FER: variants seen among roughly 807,000 people sequenced by gnomAD.
FER encodes tyrosine-protein kinase Fer.
A neutral mutation model predicts 111.0 loss-of-function variants in FER; 63 were observed. The ratio of observed to expected loss-of-function variants is 0.57; its 90% CI spans 0.46 to 0.70. The LOEUF (loss-of-function observed/expected upper bound fraction) is 0.70, where lower values mean the gene tolerates loss of function less well. Among genes scored for constraint, FER ranks in the 30% least tolerant of loss-of-function variants. The pLI, the probability that FER is intolerant of heterozygous loss-of-function variation, is 0.00. For missense variants in FER, 914 were observed against 954.0 expected (o/e 0.96, Z 0.55); for synonymous variants, 327 against 313.9 (o/e 1.04, Z -0.44).
intron 13 of FER, among the ~76,000 whole-genome samples, chr5:108,993,018 G>A (rs1198008932): frequency 6.6e-6 from 1 of 150,752 alleles, no homozygotes; most frequent in African/African-American, 2.4e-5. Context: ...TCCTAGATGG[G>A]ATGGCGGCCG....
rs1755351326 is a variant in FER at position 108,935,579 on chromosome 5, C to A, written c.1237-10551C>A. 3.3e-5 allele frequency among the ~76,000 whole-genome samples: 5 copies of A among 152,064 alleles called. No homozygotes were observed. The South Asian group carries it at 1.0e-3, about 31-fold the overall frequency. ...TGGTAGTCACCATCCAACCCACCTA[C>A]AGTTTGTGTCTATCTTCTGTTTAAT... On this transcript the variant is annotated intron_variant, in intron 10 of 19. Coordinates refer to ENST00000281092, the MANE Select transcript of FER (RefSeq NM_005246.4).
At chr5:109,016,397 T>C (rs569117197) in intron 13 of FER, among the ~76,000 whole-genome samples, 1 of 152,052 alleles carries the variant, frequency 6.6e-6, no homozygotes, top group Non-Finnish European at 1.5e-5. Context: ...CCACTCTGAT[T>C]TGGACTTTTG....
At chr5:108,990,942 A>G (rs1763087769) in intron 13 of FER, among the ~76,000 whole-genome samples, 1 of 151,816 alleles carries the variant, frequency 6.6e-6, no homozygotes, top group Non-Finnish European at 1.5e-5. Flanking sequence ...TACATAACTT[A>G]TGAAGCAAGA....
At chr5:109,067,284 G>A (rs1775221700) in intron 16 of FER, among the ~76,000 whole-genome samples, 1 of 151,660 alleles carries the variant, frequency 6.6e-6, no homozygotes, top group Admixed American at 6.6e-5. Context: ...TGCTGCTGCT[G>A]TTTTTAATTT....
chr5:109,180,998 A>G (rs1035846156), intron 18 of FER, 97 bp downstream of exon 18: 1 of 980,942 alleles, frequency 1.0e-6, no homozygotes, highest in African/African-American at 1.7e-5. Context: ...ACAGAATGCA[A>G]GTTAGAATGA....
intron 5 of FER, among the ~76,000 whole-genome samples, chr5:108,843,358 C>G (rs1461427476): frequency 6.6e-6 from 1 of 152,070 alleles, no homozygotes; most frequent in African/African-American, 2.4e-5. Flanking sequence ...ATTTCAATAT[C>G]AAATTATTCT....
chr5:108,865,678 T>C (rs1439766021), intron 5 of FER, among the ~76,000 whole-genome samples: 1 of 152,078 alleles, frequency 6.6e-6, no homozygotes, highest in South Asian at 2.1e-4. Context: ...ATTTTTGCAA[T>C]CTACTCATCT....
chr5:108,820,499 G>A (rs932171253), intron 3 of FER: 3 of 985,288 alleles, frequency 3.0e-6, no homozygotes, highest in Non-Finnish European at 3.6e-6. Context: ...GCACCAAGAA[G>A]CTGGAAAAGT....
At chr5:109,099,014 A>T (rs1747878431) in intron 16 of FER, among the ~76,000 whole-genome samples, 1 of 151,688 alleles carries the variant, frequency 6.6e-6, no homozygotes, top group Non-Finnish European at 1.5e-5. Context: ...TTAAGAAAGC[A>T]TAGATCCCTG....
chr5:109,100,407 C>T lies in FER; in HGVS notation c.1936C>T (p.Leu646Phe). ...ATCAATTCCTCTAGGAGGTGATTTC[C>T]TCACCTTTCTGAGAAGGAAGAAGGA... Reference protein sequence around the residue: ...IMELVSGGDFLTFLRRKKDEL... With the variant: ...IMELVSGGDFFTFLRRKKDEL... The change falls in exon 17 of 20, where the codon CTC becomes TTC. Residue 646 changes from leucine (L) to phenylalanine (F), a missense_variant. Coordinates refer to ENST00000281092, the MANE Select transcript of FER (RefSeq NM_005246.4). 1.2e-6 allele frequency: 2 copies of T among 1,610,334 alleles called. No individual in the cohort carries two copies. Among genetic ancestry groups the T allele is most frequent in the Non-Finnish European group, 1.7e-6 (2 of 1,177,520 alleles).
chr5:109,169,446 G>A (rs539624208), intron 17 of FER, among the ~76,000 whole-genome samples: 1 of 152,080 alleles, frequency 6.6e-6, no homozygotes, highest in East Asian at 1.9e-4. Context: ...TCATAGGACT[G>A]AAGGGAAATT....
At chr5:109,088,900 AAGAT>A (rs1429035608) in intron 16 of FER, among the ~76,000 whole-genome samples, 2 of 152,198 alleles carry the variant, frequency 1.3e-5, no homozygotes, top group Non-Finnish European at 2.9e-5. Flanking sequence ...CTATTAAATG[AAGAT>A]ACCTGCACTG....
intron 5 of FER, among the ~76,000 whole-genome samples, chr5:108,855,247 A>C (rs1762883896): frequency 6.6e-6 from 1 of 152,192 alleles, no homozygotes; most frequent in African/African-American, 2.4e-5. Context: ...TTATGACATT[A>C]CCAGTAATAT....
chr5:108,865,188 T>A (rs1443796313), intron 5 of FER, among the ~76,000 whole-genome samples: 2 of 152,296 alleles, frequency 1.3e-5, no homozygotes, highest in African/African-American at 4.8e-5. Flanking sequence ...TGCTTGTGAT[T>A]TTTGCACATT....
intron 17 of FER, among the ~76,000 whole-genome samples, chr5:109,132,097 C>G (rs1484983799): frequency 6.6e-6 from 1 of 151,972 alleles, no homozygotes; most frequent in Non-Finnish European, 1.5e-5. Context: ...ATTATCTTTT[C>G]TAAAGAAACA....
chr5:109,005,235 G>A (rs1377757590), intron 13 of FER, among the ~76,000 whole-genome samples: 2 of 151,974 alleles, frequency 1.3e-5, no homozygotes, highest in African/African-American at 4.8e-5. Flanking sequence ...TCTAACTGGA[G>A]GTCCATCAAC....
intron 16 of FER, among the ~76,000 whole-genome samples, chr5:109,056,497 A>G (rs1270108977): frequency 6.6e-6 from 1 of 151,902 alleles, no homozygotes; most frequent in South Asian, 2.1e-4. Context: ...CATATTATAT[A>G]TGGAATCTTA....
chr5:108,935,640 G>T (rs887588876), intron 10 of FER, among the ~76,000 whole-genome samples: 1 of 152,202 alleles, frequency 6.6e-6, no homozygotes, highest in Middle Eastern at 3.4e-3. Flanking sequence ...AACTTTGGTT[G>T]TGGGTGAAAT....
intron 16 of FER, among the ~76,000 whole-genome samples, chr5:109,094,186 T>G (rs965275959): frequency 1.3e-5 from 2 of 150,682 alleles, no homozygotes; most frequent in Non-Finnish European, 3.0e-5. Context: ...TTTTTTTTTT[T>G]GAGAATTAAG....
Sources: gnomAD v4.1 joint callset for allele counts (sites outside exome capture counted in the v4.1 genomes callset) on GRCh38, gnomAD v4.1.1 for gene constraint, MANE v1.5 for transcripts, NCBI Gene and HGNC (gene_info 2026-07-23, HGNC 2026-07-21) for gene names.